The following RANBP2 variants were observed in gnomAD, a reference collection of about 807,000 sequenced individuals.
The protein encoded by RANBP2 is E3 SUMO-protein ligase RanBP2.
A neutral mutation model predicts 303.6 loss-of-function variants in RANBP2; 57 were observed. That is an observed-to-expected ratio of 0.19 (90% CI 0.15 to 0.23). The LOEUF is 0.23. Ranked by LOEUF, RANBP2 falls within the 10% of genes least tolerant of loss-of-function variation. The probability of loss-of-function intolerance (pLI) is 1.00; values close to 1 mark genes in which losing one functional copy is unlikely to be tolerated. For synonymous variants in RANBP2, 1,167 were observed against 1,301.5 expected, an observed-to-expected ratio of 0.90 and a Z score of 2.23; for missense variants, 3,138 against 3,780.8, an observed-to-expected ratio of 0.83 and a Z score of 4.46.
the RANBP2 span, among the ~76,000 whole-genome samples, chr2:109,721,671 C>T: frequency 5.7e-4 from 87 of 152,326 alleles, 1 homozygote; most frequent in East Asian, 0.014. Flanking sequence ...ATCAATCCAC[C>T]GCTTTTTAAC....
the RANBP2 span, among the ~76,000 whole-genome samples, chr2:109,332,285 C>G: frequency 6.6e-6 from 1 of 152,106 alleles, no homozygotes; most frequent in Non-Finnish European, 1.5e-5. Flanking sequence ...CTCTGGCACG[C>G]CAACTCTCTC....
the RANBP2 span, among the ~76,000 whole-genome samples, chr2:109,371,865 C>G: frequency 6.6e-6 from 1 of 152,220 alleles, no homozygotes; most frequent in African/African-American, 2.4e-5. Context: ...GCTGTGAGCA[C>G]TGCCTTGGCC....
chr2:108,802,594 CT>C, the RANBP2 span, among the ~76,000 whole-genome samples: 1 of 141,958 alleles, frequency 7.0e-6, no homozygotes, highest in Non-Finnish European at 1.5e-5. Context: ...ATTTGACTTC[CT>C]CTTTTCCTAA....
chr2:109,653,474 G>T, the RANBP2 span, among the ~76,000 whole-genome samples: 1 of 151,746 alleles, frequency 6.6e-6, no homozygotes. Flanking sequence ...TTGTCTGCTG[G>T]CAGTGCTGCT....
chr2:109,284,140 G>A, the RANBP2 span, among the ~76,000 whole-genome samples: 2 of 152,152 alleles, frequency 1.3e-5, no homozygotes, highest in African/African-American at 4.8e-5. Flanking sequence ...CAGGTACTCA[G>A]CCCAGGGTCT....
chr2:109,647,796 G>C, the RANBP2 span, among the ~76,000 whole-genome samples: 162 of 152,292 alleles, frequency 1.1e-3, no homozygotes, highest in Non-Finnish European at 1.8e-3. Context: ...AACAACATTA[G>C]AGCCAGAGAA....
the RANBP2 span, among the ~76,000 whole-genome samples, chr2:109,269,661 C>T: frequency 1.3e-5 from 2 of 152,020 alleles, no homozygotes; most frequent in African/African-American, 4.8e-5. Context: ...TGTGCCTAGT[C>T]CCAGCTACTC....
chr2:109,264,217 C>A, the RANBP2 span, among the ~76,000 whole-genome samples: 1 of 147,384 alleles, frequency 6.8e-6, no homozygotes, highest in Admixed American at 6.8e-5. Flanking sequence ...CCCCAGGATC[C>A]ACTCCGAGTC....
At chr2:108,862,360 C>T in the RANBP2 span, among the ~76,000 whole-genome samples, 1 of 152,128 alleles carries the variant, frequency 6.6e-6, no homozygotes, top group African/African-American at 2.4e-5. Flanking sequence ...GCAGAGCTTC[C>T]TCAGGGATCT....
the RANBP2 span, among the ~76,000 whole-genome samples, chr2:109,493,508 C>G: frequency 5.9e-5 from 9 of 151,570 alleles, no homozygotes; most frequent in African/African-American, 2.2e-4. Context: ...CAAACACATA[C>G]CTCACACACA....
the RANBP2 span, among the ~76,000 whole-genome samples, chr2:109,397,455 T>A: frequency 0.047 from 7,100 of 151,970 alleles, 537 homozygotes; most frequent in African/African-American, 0.16. Context: ...CAATAAAGAG[T>A]TCCCTCTGCT....
At chr2:108,888,458 A>G in the RANBP2 span, among the ~76,000 whole-genome samples, 4 of 151,974 alleles carry the variant, frequency 2.6e-5, no homozygotes, top group African/African-American at 9.6e-5. Flanking sequence ...ATTTCTTTGT[A>G]TGTTTGGTAG....
the RANBP2 span, among the ~76,000 whole-genome samples, chr2:109,316,386 A>G: frequency 1.3e-5 from 2 of 152,186 alleles, no homozygotes; most frequent in African/African-American, 2.4e-5. Flanking sequence ...CCCTGGTGCC[A>G]TGTTTCTCCC....
At chr2:109,677,837 C>T in the RANBP2 span, among the ~76,000 whole-genome samples, 1 of 152,218 alleles carries the variant, frequency 6.6e-6, no homozygotes, top group Non-Finnish European at 1.5e-5. Context: ...TTGTTTGTTT[C>T]TGTGTCTTAC....
chr2:109,378,388 G>C, the RANBP2 span, among the ~76,000 whole-genome samples: 1 of 152,202 alleles, frequency 6.6e-6, no homozygotes. Context: ...TCAACTCCCA[G>C]TTGACTTTAT....
the RANBP2 span, among the ~76,000 whole-genome samples, chr2:109,541,342 G>A: frequency 6.6e-6 from 1 of 152,106 alleles, no homozygotes; most frequent in Non-Finnish European, 1.5e-5. Context: ...TATTCATTTG[G>A]ATTTATCCAT....
the RANBP2 span, among the ~76,000 whole-genome samples, chr2:109,381,960 A>G: frequency 1.3e-5 from 2 of 152,106 alleles, no homozygotes; most frequent in South Asian, 4.2e-4. Flanking sequence ...CATTAAAATG[A>G]GGTGGAATTT....
the RANBP2 span, among the ~76,000 whole-genome samples, chr2:109,519,881 G>A: frequency 6.6e-6 from 1 of 152,302 alleles, no homozygotes; most frequent in East Asian, 1.9e-4. Context: ...CTGGGGTTGG[G>A]GTAAGAAAGG....
the RANBP2 span, among the ~76,000 whole-genome samples, chr2:108,798,816 TACACACACACACAC>T: frequency 2.4e-4 from 31 of 131,640 alleles, no homozygotes; most frequent in Admixed American, 2.0e-3. Context: ...TCTCCACACC[TACACACACACACAC>T]ACACACACAC....
Sources: allele counts gnomAD v4.1 joint callset (sites outside exome capture counted in the v4.1 genomes callset), GRCh38; gene constraint gnomAD v4.1.1; transcripts MANE v1.5; gene names NCBI Gene and HGNC (gene_info 2026-07-23, HGNC 2026-07-21).